FHIT: variants seen among roughly 807,000 people sequenced by gnomAD.
FHIT encodes the protein bis(5'-adenosyl)-triphosphatase.
In FHIT, 19 loss-of-function variants were observed where a neutral mutation model predicts 17.9. The ratio of observed to expected loss-of-function variants is 1.06; its 90% CI spans 0.74 to 1.56. The LOEUF is 1.56. Among genes scored for constraint, FHIT ranks in the 40% most tolerant of loss-of-function variants. The pLI is 0.00. For synonymous variants in FHIT, 81 were observed against 69.7 expected, an observed-to-expected ratio of 1.16 and a Z score of -0.81; for missense variants, 248 against 189.2, an observed-to-expected ratio of 1.31 and a Z score of -1.82.
rs115826203 is a variant in FHIT at position 59,791,938 on chromosome 3, A to G, written c.349-39617T>C. On this transcript the variant is annotated intron_variant, in intron 8 of 9. Coordinates refer to ENST00000492590, the MANE Select transcript of FHIT (RefSeq NM_002012.4). ...AGCTTACGGCAGCTAAGAATAAGAC[A>G]GTGGGAGCTGTGCAGCCCCAGAATG... 2.5e-3 allele frequency among the ~76,000 whole-genome samples: 380 copies of G among 152,278 alleles called. 4 individuals are homozygous for G. The highest frequency in any genetic ancestry group is 8.6e-3 in the African/African-American group (357 of 41,554).
At chr3:60,171,013 G>A (rs912359196) in intron 5 of FHIT, among the ~76,000 whole-genome samples, 2 of 152,046 alleles carry the variant, frequency 1.3e-5, no homozygotes, top group Admixed American at 1.3e-4. Context: ...AAAAGAAAAG[G>A]CCCAACTTTC....
rs573442406 is a variant in FHIT at position 60,042,792 on chromosome 3, G to T, written c.104-28640C>A. ...ATGAGTAAAAAAAAAAGATATTAATGTTCAAAAAATTAAGTAACCAAACAT... is the reference window on the plus strand; with the variant it reads ...ATGAGTAAAAAAAAAAGATATTAATTTTCAAAAAATTAAGTAACCAAACAT... On this transcript the variant is annotated intron_variant, in intron 5 of 9. Transcript: ENST00000492590. Among the ~76,000 whole-genome samples the T allele has an allele frequency of 4.6e-4, 70 of 152,098 alleles. 1 individual carries two copies. Among genetic ancestry groups the T allele is most frequent in the African/African-American group, 1.5e-3 (61 of 41,504 alleles).
chr3:60,146,640 C>A (rs1366510273), intron 5 of FHIT, among the ~76,000 whole-genome samples: 1 of 152,110 alleles, frequency 6.6e-6, no homozygotes, highest in Middle Eastern at 3.2e-3. Context: ...ACGTTCAAAC[C>A]ATTTGGATGA....
At chr3:60,523,454 GAA>G (rs1396665053) in intron 5 of FHIT, among the ~76,000 whole-genome samples, 3 of 151,902 alleles carry the variant, frequency 2.0e-5, no homozygotes, top group African/African-American at 4.8e-5. Context: ...GATTATTATA[GAA>G]ATAATAAATC....
chr3:60,924,274 T>C (rs1289755529), intron 3 of FHIT, among the ~76,000 whole-genome samples: 1 of 152,198 alleles, frequency 6.6e-6, no homozygotes, highest in Non-Finnish European at 1.5e-5. Context: ...AGTGGGTCCC[T>C]GACCCCCGAG....
At chr3:59,770,924 A>AAGCACAT (rs1702046332) in intron 8 of FHIT, among the ~76,000 whole-genome samples, 1 of 152,192 alleles carries the variant, frequency 6.6e-6, no homozygotes, top group African/African-American at 2.4e-5. Flanking sequence ...CAAATCCCAG[A>AAGCACAT]AGTGGATGAA....
At chr3:61,216,265 C>T (rs868861175) in intron 1 of FHIT, among the ~76,000 whole-genome samples, 2 of 152,068 alleles carry the variant, frequency 1.3e-5, no homozygotes, top group Non-Finnish European at 2.9e-5. Flanking sequence ...GCTAATATCC[C>T]GAATCTACAA....
At position 60,267,073 on chromosome 3, in the gene FHIT, C is replaced by T. The variant is rs562097329; in HGVS notation, c.104-252921G>A. ...ATTGAGATAAGGGACAGAAGAAGAG[C>T]GTGTGCAATAGAAGTGAAGGGAAGA... On this transcript the variant is annotated intron_variant, in intron 5 of 9. Coordinates refer to ENST00000492590, the MANE Select transcript of FHIT (RefSeq NM_002012.4). Among the ~76,000 whole-genome samples, 33 of 151,998 alleles carry T rather than the reference C, an allele frequency of 2.2e-4. No individual in the cohort carries two copies. In the South Asian group the frequency reaches 4.8e-3, roughly 22 times the overall value.
intron 4 of FHIT, among the ~76,000 whole-genome samples, chr3:60,767,441 G>T (rs1287878376): frequency 6.6e-6 from 1 of 152,102 alleles, no homozygotes; most frequent in African/African-American, 2.4e-5. Context: ...CCTCCATAAA[G>T]AAATCAAGGT....
intron 5 of FHIT, among the ~76,000 whole-genome samples, chr3:60,277,889 G>A (rs1707233700): frequency 2.0e-5 from 3 of 152,002 alleles, no homozygotes. Flanking sequence ...CTGCTTCACT[G>A]CAATTTGCAA....
intron 1 of FHIT, among the ~76,000 whole-genome samples, chr3:61,229,556 G>A (rs56268052): frequency 0.081 from 12,272 of 152,182 alleles, 543 homozygotes; most frequent in Admixed American, 0.1. Flanking sequence ...CTTACTAGCT[G>A]TGTTACCCAT....
At chr3:60,693,258 A>C (rs1278820075) in intron 4 of FHIT, among the ~76,000 whole-genome samples, 1 of 152,230 alleles carries the variant, frequency 6.6e-6, no homozygotes, top group East Asian at 1.9e-4. Flanking sequence ...ATGCAAACTT[A>C]AGAAATTATA....
intron 4 of FHIT, among the ~76,000 whole-genome samples, chr3:60,570,753 A>C (rs1057024553): frequency 6.6e-6 from 1 of 151,208 alleles, no homozygotes; most frequent in African/African-American, 2.4e-5. Context: ...AAAAAAAAAA[A>C]AACTATCTCA....
Position 60,100,190 on chromosome 3 carries a change from C to T in FHIT, c.104-86038G>A, listed in dbSNP as rs977256182. ...GGTCAGGAGTTCGAGACCAGCCTGA[C>T]CCCCGTCAATATGGTAAAACCCCGT... is the stretch of plus-strand genomic sequence containing the variant. On this transcript the variant is annotated intron_variant, in intron 5 of 9. Transcript: ENST00000492590. 4.6e-5 allele frequency among the ~76,000 whole-genome samples: 7 copies of T among 152,100 alleles called. No homozygotes were observed. In the East Asian group the frequency reaches 1.2e-3, roughly 25 times the overall value.
At chr3:59,849,499 T>C (rs528950255) in intron 8 of FHIT, among the ~76,000 whole-genome samples, 1 of 152,290 alleles carries the variant, frequency 6.6e-6, no homozygotes, top group African/African-American at 2.4e-5. Flanking sequence ...TTCAATCCGA[T>C]TGGTGGCTTG....
intron 5 of FHIT, among the ~76,000 whole-genome samples, chr3:60,235,234 G>GTTTTT (rs11441829): frequency 5.6e-5 from 8 of 143,096 alleles, no homozygotes; most frequent in African/African-American, 1.0e-4. Context: ...TTTGTTTGTT[G>GTTTTT]TTTTTTTTTT....
chr3:60,113,136 A>C (rs1332991394), intron 5 of FHIT, among the ~76,000 whole-genome samples: 1 of 152,166 alleles, frequency 6.6e-6, no homozygotes, highest in Non-Finnish European at 1.5e-5. Context: ...CATGGCACTT[A>C]ATGCACTCTG....
At chr3:59,935,863 G>A (rs552025157) in intron 7 of FHIT, among the ~76,000 whole-genome samples, 4 of 152,184 alleles carry the variant, frequency 2.6e-5, no homozygotes, top group South Asian at 2.1e-4. Context: ...GATTTTCTTC[G>A]CCATTCTTGT....
At chr3:59,786,859 T>A (rs1456220692) in intron 8 of FHIT, among the ~76,000 whole-genome samples, 1 of 152,240 alleles carries the variant, frequency 6.6e-6, no homozygotes, top group African/African-American at 2.4e-5. Flanking sequence ...AACACCTCAT[T>A]GAAGAAATCA....
Sources: allele counts gnomAD v4.1 joint callset (sites outside exome capture counted in the v4.1 genomes callset), GRCh38; gene constraint gnomAD v4.1.1; transcripts MANE v1.5; gene names NCBI Gene and HGNC (gene_info 2026-07-23, HGNC 2026-07-21).